Variants in NTN4 observed in about 807,000 individuals in gnomAD.
NTN4 encodes netrin 4.
Under a neutral mutation model 73.6 loss-of-function variants are expected in NTN4, and 32 were observed. That is an observed-to-expected ratio of 0.44 (90% CI 0.33 to 0.58). NTN4 has a LOEUF of 0.58. NTN4 is among the 20% of genes least tolerant of loss of function. The pLI is 0.04. For synonymous variants in NTN4, 258 were observed against 287.5 expected, an observed-to-expected ratio of 0.90 and a Z score of 1.04; for missense variants, 654 against 798.3, an observed-to-expected ratio of 0.82 and a Z score of 2.18.
intron 3 of NTN4, among the ~76,000 whole-genome samples, chr12:95,735,985 C>A (rs2078775095): frequency 6.6e-6 from 1 of 151,456 alleles, no homozygotes; most frequent in Non-Finnish European, 1.5e-5. Context: ...GTCACTCAGG[C>A]TAGAGTGCAG....
intron 2 of NTN4, among the ~76,000 whole-genome samples, chr12:95,744,081 T>C (rs1473347382): frequency 7.2e-5 from 11 of 152,130 alleles, no homozygotes; most frequent in Admixed American, 7.2e-4. Flanking sequence ...TTTGCATTTT[T>C]AGTAGAGATG....
At chr12:95,700,637 C>T (rs1008165626) in intron 5 of NTN4, among the ~76,000 whole-genome samples, 1 of 152,082 alleles carries the variant, frequency 6.6e-6, no homozygotes, top group Non-Finnish European at 1.5e-5. Flanking sequence ...GAGTTTGAAA[C>T]TGGCCGTGGT....
intron 2 of NTN4, among the ~76,000 whole-genome samples, chr12:95,752,199 C>G (rs531043004): frequency 4.0e-5 from 6 of 151,552 alleles, no homozygotes; most frequent in Non-Finnish European, 8.8e-5. Flanking sequence ...TGTTATCACT[C>G]GCCTGCTACA....
chr12:95,782,365 G>A (rs1348249493), intron 2 of NTN4, among the ~76,000 whole-genome samples: 14 of 151,600 alleles, frequency 9.2e-5, no homozygotes, highest in Non-Finnish European at 1.6e-4. Flanking sequence ...GCGTGATCTC[G>A]GGTCACTGCA....
In NTN4 at chr12:95,790,288, G is replaced by A; in HGVS notation, c.22C>T (p.Leu8=). The change falls in exon 1 of 10, where the codon CTG becomes TTG. Residue 8 remains leucine (L), a synonymous_variant. Transcript: ENST00000343702. This position sits in a 1 kb window ranked among gnomAD's most constrained non-coding sequence, Gnocchi z 6.5. ...ACCACCGTGCAGCCCCAGAGCAGCA[G>A]CAGCCGCGCGCAGCTCCCCATGGCC... MGSCARL[L]LLWGCTVVAA... The A allele has an allele frequency of 6.5e-7, 1 of 1,533,526 alleles. No homozygotes were observed. The highest frequency in any genetic ancestry group is 2.6e-5 in the East Asian group (1 of 38,660). 95.0% of individuals were successfully genotyped at this position (1,533,526 alleles called of 1,614,324 possible).
intron 2 of NTN4, among the ~76,000 whole-genome samples, chr12:95,786,223 T>C (rs2079166275): frequency 6.6e-6 from 1 of 152,216 alleles, no homozygotes; most frequent in African/African-American, 2.4e-5. Context: ...GTTTTCTCTG[T>C]TCTCATACAC....
At chr12:95,764,948 A>T (rs1232463358) in intron 2 of NTN4, among the ~76,000 whole-genome samples, 1 of 152,222 alleles carries the variant, frequency 6.6e-6, no homozygotes. Context: ...GAATAAAGGC[A>T]AGTCCCGAAA....
In NTN4 at chr12:95,787,415, G is replaced by C. The variant is rs748149271; in HGVS notation, c.109C>G (p.Arg37Gly). ...CGCCCCAAAGCCAAATTTCCCATCCGAGGGTTGCAGGCTTTTTCACAGCGG... is the reference window on the plus strand; with the variant it reads ...CGCCCCAAAGCCAAATTTCCCATCCCAGGGTTGCAGGCTTTTTCACAGCGG... Reference protein sequence around the residue: ...SSRCEKACNPRMGNLALGRKL... With the variant: ...SSRCEKACNPGMGNLALGRKL... The change falls in exon 2 of 10, where the codon CGG becomes GGG. Residue 37 changes from arginine (R) to glycine (G), a missense_variant. Arg to Gly is a moderately radical substitution (Grantham distance 125). Transcript: ENST00000343702. 2 of 1,614,164 alleles carry C rather than the reference G, an allele frequency of 1.2e-6. No homozygotes were observed. The highest frequency in any genetic ancestry group is 1.1e-5 in the South Asian group (1 of 91,078).
At chr12:95,681,735 A>G (rs2120984183) in intron 7 of NTN4, among the ~76,000 whole-genome samples, 1 of 152,360 alleles carries the variant, frequency 6.6e-6, no homozygotes, top group South Asian at 2.1e-4. Flanking sequence ...GAACAATGTC[A>G]TAGGGAAATT....
chr12:95,729,559 T>C (rs2121145884), intron 3 of NTN4, among the ~76,000 whole-genome samples: 1 of 152,192 alleles, frequency 6.6e-6, no homozygotes, highest in East Asian at 1.9e-4. Context: ...GATCTTGTTT[T>C]CCTTACTATT....
intron 2 of NTN4, among the ~76,000 whole-genome samples, chr12:95,766,884 T>C (rs77741580): frequency 0.12 from 18,219 of 146,918 alleles, 1,526 homozygotes; most frequent in South Asian, 0.34. Context: ...TCAGGTCTTT[T>C]TCACATGAAT....
intron 7 of NTN4, among the ~76,000 whole-genome samples, chr12:95,674,522 AAAG>A (rs2078258591): frequency 6.6e-6 from 1 of 152,236 alleles, no homozygotes; most frequent in South Asian, 2.1e-4. Context: ...TTAAAAAAAA[AAAG>A]AGCATTGTTT....
At chr12:95,783,922 A>C (rs372303740) in intron 2 of NTN4, among the ~76,000 whole-genome samples, 10 of 152,190 alleles carry the variant, frequency 6.6e-5, no homozygotes, top group African/African-American at 2.4e-4. Flanking sequence ...GAGGTGGCTG[A>C]CTCTTTAGAC....
At chr12:95,745,687 C>G (rs2078856935) in intron 2 of NTN4, among the ~76,000 whole-genome samples, 1 of 152,072 alleles carries the variant, frequency 6.6e-6, no homozygotes, top group Admixed American at 6.6e-5. Flanking sequence ...TTCTCTGTTT[C>G]TTTGCAGGTC....
At chr12:95,756,059 CCAAGTGT>C (rs1187430725) in intron 2 of NTN4, among the ~76,000 whole-genome samples, 1 of 152,110 alleles carries the variant, frequency 6.6e-6, no homozygotes, top group Non-Finnish European at 1.5e-5. Flanking sequence ...AAGTGATTTG[CCAAGTGT>C]CAATCAATAG....
At chr12:95,770,844 G>A (rs1020926136) in intron 2 of NTN4, among the ~76,000 whole-genome samples, 20 of 152,164 alleles carry the variant, frequency 1.3e-4, no homozygotes, top group Non-Finnish European at 8.8e-5. Flanking sequence ...AGTAACATCA[G>A]CAAACATAGC....
intron 5 of NTN4, among the ~76,000 whole-genome samples, chr12:95,697,930 G>A (rs1223724219): frequency 6.6e-6 from 1 of 152,088 alleles, no homozygotes; most frequent in African/African-American, 2.4e-5. Context: ...AAAAATATTT[G>A]AGGAGAAACC....
chr12:95,789,410 AC>A lies in NTN4; in HGVS notation c.55+844del, dbSNP rs1268773254. 1.7e-4 allele frequency among the ~76,000 whole-genome samples: 26 copies of A among 152,234 alleles called. No individual in the cohort carries two copies. Among genetic ancestry groups the A allele is most frequent in the Non-Finnish European group, 2.5e-4 (17 of 67,986 alleles). On this transcript the variant is annotated intron_variant, in intron 1 of 9. Coordinates refer to ENST00000343702, the MANE Select transcript of NTN4 (RefSeq NM_021229.4). This position sits in a 1 kb window ranked among gnomAD's most constrained non-coding sequence, Gnocchi z 4.0. ...TCCCTCACATCTCTCCCCCTCACCT[AC>A]AGGGCTGCGCTTACGCCTAACTGGA... is the stretch of plus-strand genomic sequence containing the variant.
intron 5 of NTN4, among the ~76,000 whole-genome samples, chr12:95,695,456 CTGGGTTCAAGTG>C (rs1399017067): frequency 6.6e-6 from 1 of 152,098 alleles, no homozygotes; most frequent in East Asian, 1.9e-4. Flanking sequence ...CCTCCACCTC[CTGGGTTCAAGTG>C]ATTCTCCTGC....
Sources: allele counts gnomAD v4.1 joint callset (sites outside exome capture counted in the v4.1 genomes callset), GRCh38; gene constraint gnomAD v4.1.1; non-coding constraint Gnocchi (gnomAD v3.1); transcripts MANE v1.5; gene names NCBI Gene and HGNC (gene_info 2026-07-23, HGNC 2026-07-21).